The following STK31 variants were observed in gnomAD, a reference collection of about 807,000 sequenced individuals.
The protein encoded by STK31 is serine/threonine-protein kinase 31.
Under a neutral mutation model 129.7 loss-of-function variants are expected in STK31, and 89 were observed. That is an observed-to-expected ratio of 0.69 (90% CI 0.58 to 0.82). The LOEUF (loss-of-function observed/expected upper bound fraction) is 0.82. Among genes scored for constraint, STK31 ranks in the 40% least tolerant of loss-of-function variants. The pLI, the probability that STK31 is intolerant of heterozygous loss-of-function variation, is 0.00. For missense variants in STK31, 1,187 were observed against 1,176.4 expected (o/e 1.01, Z -0.13); for synonymous variants, 448 against 395.3 (o/e 1.13, Z -1.58).
At chr7:23,752,376 G>A (rs1301573953) in intron 8 of STK31, among the ~76,000 whole-genome samples, 6 of 144,792 alleles carry the variant, frequency 4.1e-5, no homozygotes, top group East Asian at 2.0e-4. Context: ...TTGAGACAGA[G>A]TCTGGCTTTG....
At chr7:23,816,666 A>G (rs1194216114) in intron 23 of STK31, among the ~76,000 whole-genome samples, 2 of 152,228 alleles carry the variant, frequency 1.3e-5, no homozygotes, top group Admixed American at 6.5e-5. Flanking sequence ...TGTTTCCATC[A>G]TGGCAGCGTG....
At chr7:23,742,507 T>C (rs1329933400) in intron 8 of STK31, among the ~76,000 whole-genome samples, 4 of 152,214 alleles carry the variant, frequency 2.6e-5, no homozygotes, top group Non-Finnish European at 5.9e-5. Flanking sequence ...AACAATGTCT[T>C]TGTGTGATCT....
intron 4 of STK31, chr7:23,721,535 ACT>A (rs1441558126): frequency 1.1e-4 from 102 of 950,278 alleles, no homozygotes; most frequent in Non-Finnish European, 1.5e-4. Context: ...TCTCTGTTTA[ACT>A]CTCTTTTTTT....
At chr7:23,721,200 A>C (rs1562546655) in intron 4 of STK31, 1 of 330,572 alleles carries the variant, frequency 3.0e-6, no homozygotes, top group African/African-American at 2.2e-5. Context: ...TTTTTCCACT[A>C]TAATTCGCTC....
intron 8 of STK31, among the ~76,000 whole-genome samples, chr7:23,742,576 C>T (rs555515591): frequency 6.6e-6 from 1 of 152,302 alleles, no homozygotes; most frequent in Non-Finnish European, 1.5e-5. Flanking sequence ...TCTCCTATAG[C>T]CAATGTTGTA....
intron 4 of STK31, chr7:23,721,173 CAG>C (rs1437102007): frequency 4.4e-5 from 13 of 296,170 alleles, no homozygotes; most frequent in Non-Finnish European, 7.5e-5. Context: ...TTGTTACTGA[CAG>C]AAACAAGTTT....
chr7:23,827,977 G>A (rs969548692), intron 23 of STK31, among the ~76,000 whole-genome samples: 1 of 152,138 alleles, frequency 6.6e-6, no homozygotes, highest in Non-Finnish European at 1.5e-5. Flanking sequence ...AGGAGTACCC[G>A]GCTGTGTGAG....
intron 22 of STK31, among the ~76,000 whole-genome samples, chr7:23,805,818 C>G (rs4722275): frequency 2.6e-5 from 4 of 152,238 alleles, no homozygotes; most frequent in Non-Finnish European, 4.4e-5. Flanking sequence ...TATTATGTCT[C>G]TTTATAACAT....
Position 23,754,894 on chromosome 7 carries a change from T to C in STK31, c.1293+420T>C, listed in dbSNP as rs180930298. 3.2e-4 allele frequency among the ~76,000 whole-genome samples: 48 copies of C among 152,362 alleles called. 1 individual carries two copies. The East Asian group carries it at 9.2e-3, about 29-fold the overall frequency. On this transcript the variant is annotated intron_variant, in intron 10 of 23. Coordinates refer to ENST00000355870, the MANE Select transcript of STK31 (RefSeq NM_031414.5). The stretch of plus-strand genomic sequence containing the variant: ...TGTACCACATTTTCTTTATCCAGTC[T>C]ATCGTTGATGGGCATTTGGGTTGGT...
At chr7:23,794,493 T>C (rs1188734580) in intron 22 of STK31, among the ~76,000 whole-genome samples, 1 of 152,140 alleles carries the variant, frequency 6.6e-6, no homozygotes, top group Non-Finnish European at 1.5e-5. Context: ...TACAGTAAAT[T>C]GGTACAGAGA....
At chr7:23,753,477 G>A (rs1174476288) in intron 9 of STK31, among the ~76,000 whole-genome samples, 1 of 152,144 alleles carries the variant, frequency 6.6e-6, no homozygotes, top group Non-Finnish European at 1.5e-5. Flanking sequence ...CCCTGGATTG[G>A]AATAAGCGGG....
intron 23 of STK31, among the ~76,000 whole-genome samples, chr7:23,827,158 G>A (rs1324523235): frequency 6.6e-6 from 1 of 152,140 alleles, no homozygotes. Context: ...TGCTAGGTTG[G>A]GGAAGTTCTC....
chr7:23,811,591 A>T (rs1793134380), intron 22 of STK31: 1 of 184,752 alleles, frequency 5.4e-6, no homozygotes, highest in African/African-American at 2.4e-5. Context: ...GCCTGTTTGC[A>T]GTATCTCAGA....
chr7:23,716,676 C>T (rs888232648), intron 3 of STK31, among the ~76,000 whole-genome samples: 6 of 152,150 alleles, frequency 3.9e-5, no homozygotes, highest in African/African-American at 1.2e-4. Context: ...GGGTTATAAT[C>T]CTATGCTATC....
At chr7:23,750,324 C>G (rs1324446432) in intron 8 of STK31, among the ~76,000 whole-genome samples, 2 of 152,086 alleles carry the variant, frequency 1.3e-5, no homozygotes, top group African/African-American at 4.8e-5. Flanking sequence ...TGTTGTGATT[C>G]TCTGTATCCC....
chr7:23,759,018 A>G lies in STK31; in HGVS notation c.1294-3783A>G, dbSNP rs138349501. On this transcript the variant is annotated intron_variant, in intron 10 of 23. Coordinates refer to ENST00000355870, the MANE Select transcript of STK31 (RefSeq NM_031414.5). ...TAGTCTCTGATAAAACAGACTTTAA[A>G]TCAACAAAGATAAAAAAAGACAAAG... Among the ~76,000 whole-genome samples the G allele has an allele frequency of 3.9e-3, 598 of 152,320 alleles. 7 individuals carry two copies. Among genetic ancestry groups the G allele is most frequent in the African/African-American group, 0.013 (551 of 41,578 alleles).
At chr7:23,798,782 A>G (rs1434163435) in intron 22 of STK31, among the ~76,000 whole-genome samples, 1 of 152,110 alleles carries the variant, frequency 6.6e-6, no homozygotes, top group African/African-American at 2.4e-5. Flanking sequence ...AGGGTATTCA[A>G]ATAGGAAGAG....
At chr7:23,750,517 A>G (rs558850843) in intron 8 of STK31, among the ~76,000 whole-genome samples, 2 of 152,296 alleles carry the variant, frequency 1.3e-5, no homozygotes, top group South Asian at 2.1e-4. Context: ...TCCCCATATT[A>G]TTGTTTTAAA....
At position 23,831,980 on chromosome 7, in the gene STK31, G is replaced by GT. The variant is rs201450122; in HGVS notation, c.2830-147dup. Among the ~76,000 whole-genome samples the GT allele has an allele frequency of 2.4e-3, 368 of 151,152 alleles. 2 individuals carry two copies. Among genetic ancestry groups the GT allele is most frequent in the Non-Finnish European group, 3.6e-3 (247 of 67,688 alleles). Reference sequence around the variant, plus strand: ...GTGATTATCGGCTCATTATTTTGGTGTTTTTTTTTGTTGAGGGGAGTACCA... The same window carrying GT: ...GTGATTATCGGCTCATTATTTTGGTGTTTTTTTTTTGTTGAGGGGAGTACCA... On this transcript the variant is annotated intron_variant, in intron 23 of 23. Transcript: ENST00000355870.
Sources: gnomAD v4.1 joint callset for allele counts (sites outside exome capture counted in the v4.1 genomes callset) on GRCh38, gnomAD v4.1.1 for gene constraint, MANE v1.5 for transcripts, NCBI Gene and HGNC (gene_info 2026-07-23, HGNC 2026-07-21) for gene names.